REC114: variants seen among roughly 807,000 people sequenced by gnomAD.
REC114 encodes the protein REC114 meiotic recombination protein.
In REC114, 27 loss-of-function variants were observed where a neutral mutation model predicts 31.3. The observed-to-expected ratio is 0.86, with a 90% CI of 0.64 to 1.19. REC114 has a LOEUF of 1.19. Ranked by LOEUF, REC114 falls within the 50% of genes most tolerant of loss-of-function variation. The probability of loss-of-function intolerance (pLI) is 0.00; values close to 1 mark genes in which losing one functional copy is unlikely to be tolerated. For missense variants in REC114, 344 were observed against 326.9 expected, an observed-to-expected ratio of 1.05 and a Z score of -0.40; for synonymous variants, 134 against 127.7, an observed-to-expected ratio of 1.05 and a Z score of -0.33.
chr15:73,521,779 C>G (rs183880829), intron 2 of REC114, among the ~76,000 whole-genome samples: 1 of 152,168 alleles, frequency 6.6e-6, no homozygotes, highest in Admixed American at 6.5e-5. Context: ...AATAGAAAAT[C>G]TAAGTAGTAA....
intron 2 of REC114, among the ~76,000 whole-genome samples, chr15:73,521,441 A>G (rs927328963): frequency 2.6e-5 from 4 of 152,228 alleles, no homozygotes; most frequent in African/African-American, 7.2e-5. Context: ...TCTATCTCAG[A>G]TTGAAAAAGA....
At chr15:73,518,737 C>T (rs1343791485) in intron 2 of REC114, among the ~76,000 whole-genome samples, 3 of 152,092 alleles carry the variant, frequency 2.0e-5, no homozygotes, top group Non-Finnish European at 1.5e-5. Context: ...GCTATTTTAG[C>T]GGTAAAAAGA....
chr15:73,514,929 ATTTTT>A (rs34985483), intron 2 of REC114, among the ~76,000 whole-genome samples: 1 of 132,676 alleles, frequency 7.5e-6, no homozygotes, highest in Admixed American at 7.6e-5. Flanking sequence ...TAACACTCTG[ATTTTT>A]TTTTTTTTTT....
intron 2 of REC114, among the ~76,000 whole-genome samples, chr15:73,500,593 G>C (rs1347852169): frequency 6.6e-6 from 1 of 151,968 alleles, no homozygotes; most frequent in African/African-American, 2.4e-5. Context: ...TCTGGATGGT[G>C]GTTAAATATA....
At chr15:73,510,234 C>T (rs1424103470) in intron 2 of REC114, among the ~76,000 whole-genome samples, 1 of 152,076 alleles carries the variant, frequency 6.6e-6, no homozygotes, top group Non-Finnish European at 1.5e-5. Context: ...TATGATTTAG[C>T]TCTCTGTTTG....
chr15:73,486,642 A>T (rs1893374151), intron 2 of REC114, among the ~76,000 whole-genome samples: 1 of 152,196 alleles, frequency 6.6e-6, no homozygotes, highest in Non-Finnish European at 1.5e-5. Context: ...TGCCAGCAGG[A>T]TTCGTGTCTG....
intron 2 of REC114, among the ~76,000 whole-genome samples, chr15:73,479,459 A>G (rs1170935521): frequency 6.6e-6 from 1 of 152,074 alleles, no homozygotes; most frequent in Admixed American, 6.5e-5. Flanking sequence ...TTTAAGATCT[A>G]TTCTAGCAGA....
Position 73,509,278 on chromosome 15 carries a change from T to G in REC114, c.250-31207T>G, listed in dbSNP as rs1893728879. Among the ~76,000 whole-genome samples, 3 of 142,908 alleles carry G rather than the reference T, an allele frequency of 2.1e-5. No individual in the cohort carries two copies. The South Asian group carries it at 6.4e-4, about 31-fold the overall frequency. The allele number at this position is 142,908 out of a possible 152,430, so 93.8% of individuals were successfully genotyped here. On this transcript the variant is annotated intron_variant, in intron 2 of 5. Coordinates refer to ENST00000331090, the MANE Select transcript of REC114 (RefSeq NM_001042367.2). ...GTGTCTGTTCATGTCCTTCACCCAC[T>G]TTTTGATGGGGTTGTTTTTTTCTTG...
At chr15:73,542,785 T>C (rs1407781920) in intron 3 of REC114, among the ~76,000 whole-genome samples, 3 of 152,212 alleles carry the variant, frequency 2.0e-5, no homozygotes, top group South Asian at 2.1e-4. Context: ...AGTCATTAGA[T>C]AGTCTCTGAA....
At chr15:73,551,320 A>C (rs145842109) in intron 4 of REC114, among the ~76,000 whole-genome samples, 170 bp downstream of exon 4, 1 of 152,292 alleles carries the variant, frequency 6.6e-6, no homozygotes, top group East Asian at 1.9e-4. Context: ...CTCCCTATTC[A>C]GAAATTAGGC....
intron 1 of REC114, among the ~76,000 whole-genome samples, chr15:73,457,606 TC>T (rs1339294921): frequency 2.0e-5 from 3 of 150,698 alleles, no homozygotes; most frequent in Non-Finnish European, 4.4e-5. Flanking sequence ...TCCTTCATTT[TC>T]TGTCATTTCT....
rs540205218 is a variant in REC114 at position 73,443,227 on chromosome 15, C to T, written c.42C>T (p.Thr14=). Reference sequence around the variant, plus strand: ...AAGTGCCCTTGAGCCTCGGGCTTACCGGAGGAGAAGCGGCAGAGTGGCCTC... The same window carrying T: ...AAGTGCCCTTGAGCCTCGGGCTTACTGGAGGAGAAGCGGCAGAGTGGCCTC... The part of the protein sequence containing the change: ...AGKVPLSLGL[T]GGEAAEWPLQ... The change falls in exon 1 of 6, where the codon ACC becomes ACT. Residue 14 remains threonine (T), a synonymous_variant. Coordinates refer to ENST00000331090, the MANE Select transcript of REC114 (RefSeq NM_001042367.2). 3.2e-6 allele frequency: 5 copies of T among 1,575,942 alleles called. No homozygotes were observed. Among genetic ancestry groups the T allele is most frequent in the Middle Eastern group, 1.7e-4 (1 of 6,008 alleles).
At chr15:73,472,759 T>C (rs74022998) in intron 1 of REC114, among the ~76,000 whole-genome samples, 23,204 of 152,058 alleles carry the variant, frequency 0.15, 2,663 homozygotes, top group African/African-American at 0.33. Context: ...TTCCTCACTA[T>C]ATCTCGATAG....
chr15:73,519,227 CCT>C (rs1371773493), intron 2 of REC114, among the ~76,000 whole-genome samples: 1 of 152,138 alleles, frequency 6.6e-6, no homozygotes, highest in Non-Finnish European at 1.5e-5. Context: ...GGTCTTGAGG[CCT>C]CTGTCTTCAT....
At chr15:73,537,179 A>T (rs1894166941) in intron 2 of REC114, among the ~76,000 whole-genome samples, 3 of 152,232 alleles carry the variant, frequency 2.0e-5, no homozygotes, top group Non-Finnish European at 4.4e-5. Flanking sequence ...TAAGGAAATC[A>T]CTACAAACAC....
chr15:73,513,102 C>T (rs998712052), intron 2 of REC114, among the ~76,000 whole-genome samples: 53 of 146,774 alleles, frequency 3.6e-4, no homozygotes, highest in Admixed American at 1.8e-3. Context: ...TAGATTTGGT[C>T]TTTTCACATA....
At chr15:73,537,536 G>GACAGGCTATGCTGTTTC (rs1481694193) in intron 2 of REC114, among the ~76,000 whole-genome samples, 2 of 152,156 alleles carry the variant, frequency 1.3e-5, no homozygotes, top group African/African-American at 4.8e-5. Flanking sequence ...CAGGTTCCCA[G>GACAGGCTATGCTGTTTC]ACAGGCTATG....
intron 2 of REC114, among the ~76,000 whole-genome samples, chr15:73,485,102 T>C (rs975093557): frequency 6.6e-5 from 10 of 152,218 alleles, no homozygotes; most frequent in African/African-American, 2.4e-4. Flanking sequence ...TTATTTAATA[T>C]TTATTTTGAG....
At chr15:73,445,870 C>G (rs1262982523) in intron 1 of REC114, among the ~76,000 whole-genome samples, 2 of 152,102 alleles carry the variant, frequency 1.3e-5, no homozygotes, top group Non-Finnish European at 2.9e-5. Context: ...AATGAAAAAG[C>G]TTGAAATATT....
Sources: gnomAD v4.1 joint callset for allele counts (sites outside exome capture counted in the v4.1 genomes callset) on GRCh38, gnomAD v4.1.1 for gene constraint, MANE v1.5 for transcripts, NCBI Gene and HGNC (gene_info 2026-07-23, HGNC 2026-07-21) for gene names.